Variants in FARS2 observed in about 807,000 individuals in gnomAD.
FARS2 encodes the protein phenylalanyl-tRNA synthetase 2, mitochondrial, also known as phenylalanine--tRNA ligase, mitochondrial.
In FARS2, 40 loss-of-function variants were observed where a neutral mutation model predicts 46.4. That is an observed-to-expected ratio of 0.86 (90% CI 0.67 to 1.12). The LOEUF (loss-of-function observed/expected upper bound fraction) is 1.12. Among genes scored for constraint, FARS2 ranks in the 50% most tolerant of loss-of-function variants. The pLI is 0.00. For synonymous variants in FARS2, 234 were observed against 214.9 expected (o/e 1.09, Z -0.78); for missense variants, 513 against 567.9 (o/e 0.90, Z 0.98).
At chr6:5,525,721 T>A (rs1430571039) in intron 4 of FARS2, among the ~76,000 whole-genome samples, 1 of 152,258 alleles carries the variant, frequency 6.6e-6, no homozygotes, top group Non-Finnish European at 1.5e-5. Context: ...GGGAATAGAT[T>A]GGATCAAGAT....
intron 6 of FARS2, among the ~76,000 whole-genome samples, chr6:5,745,672 G>A (rs1376965423): frequency 6.6e-6 from 1 of 152,146 alleles, no homozygotes; most frequent in Non-Finnish European, 1.5e-5. Context: ...CTAAGGAGCT[G>A]GGACTACAAG....
At chr6:5,502,548 A>G (rs2150384022) in intron 4 of FARS2, among the ~76,000 whole-genome samples, 1 of 152,376 alleles carries the variant, frequency 6.6e-6, no homozygotes, top group Admixed American at 6.5e-5. Context: ...TAAAAGTCAG[A>G]ACAGTATCAC....
chr6:5,484,619 C>T (rs1279695382), intron 4 of FARS2, among the ~76,000 whole-genome samples: 1 of 152,204 alleles, frequency 6.6e-6, no homozygotes, highest in Non-Finnish European at 1.5e-5. Flanking sequence ...TGAAGTCTCA[C>T]GTGTAACCTC....
chr6:5,297,390 G>T (rs1037459331), intron 1 of FARS2, among the ~76,000 whole-genome samples: 1 of 152,224 alleles, frequency 6.6e-6, no homozygotes, highest in Non-Finnish European at 1.5e-5. Context: ...GCTCACGCCT[G>T]TAATCCCAGC....
chr6:5,365,512 T>A (rs868446488), intron 1 of FARS2, among the ~76,000 whole-genome samples: 18,441 of 124,896 alleles, frequency 0.15, 959 homozygotes, highest in East Asian at 0.4. Flanking sequence ...TAAATAAAAT[T>A]TTTTTTTTTT....
intron 1 of FARS2, chr6:5,291,316 G>T (rs1045249790): frequency 6.6e-6 from 1 of 152,170 alleles, no homozygotes; most frequent in African/African-American, 2.4e-5. Flanking sequence ...GTAGGATGCT[G>T]ATTTTGAATA....
At chr6:5,631,586 G>A (rs1776296065) in intron 6 of FARS2, among the ~76,000 whole-genome samples, 1 of 152,234 alleles carries the variant, frequency 6.6e-6, no homozygotes. Context: ...CATCCTGTCT[G>A]TGTGGAGTCC....
chr6:5,584,119 A>ACACACACACACACACACACACC (rs1773486002), intron 5 of FARS2, among the ~76,000 whole-genome samples: 1 of 149,882 alleles, frequency 6.7e-6, no homozygotes, highest in Admixed American at 6.6e-5. Flanking sequence ...ACACACACAC[A>ACACACACACACACACACACACC]CACACACACA....
chr6:5,505,719 A>G (rs1255429114), intron 4 of FARS2, among the ~76,000 whole-genome samples: 1 of 152,126 alleles, frequency 6.6e-6, no homozygotes, highest in African/African-American at 2.4e-5. Flanking sequence ...TTGAACAATC[A>G]TGTTTCTCAA....
Position 5,652,555 on chromosome 6 carries a change from A to G in FARS2, c.1217+39235A>G, listed in dbSNP as rs542703405. Among the ~76,000 whole-genome samples the G allele has an allele frequency of 1.9e-3, 291 of 152,370 alleles. 2 individuals carry two copies. Among genetic ancestry groups the G allele is most frequent in the African/African-American group, 6.7e-3 (280 of 41,592 alleles). ...CAGAAATGAAGGCCCAGTGCGGCGC[A>G]GCCGCTGATGGCTCACCTCTCTCAG... On this transcript the variant is annotated intron_variant, in intron 6 of 6. Coordinates refer to ENST00000274680, the MANE Select transcript of FARS2 (RefSeq NM_006567.5).
intron 1 of FARS2, among the ~76,000 whole-genome samples, chr6:5,338,641 A>G (rs1019518911): frequency 7.7e-6 from 1 of 129,888 alleles, no homozygotes; most frequent in Non-Finnish European, 1.6e-5. Context: ...CTCAGGTATG[A>G]GTTCTTGGAT....
At chr6:5,297,662 TA>T (rs5873971) in intron 1 of FARS2, among the ~76,000 whole-genome samples, 82,925 of 151,184 alleles carry the variant, frequency 0.55, 22,854 homozygotes, top group East Asian at 0.72. Flanking sequence ...AGCAAAAAAA[TA>T]AAAAAAAACC....
intron 1 of FARS2, among the ~76,000 whole-genome samples, chr6:5,317,729 A>T (rs2127558974): frequency 6.6e-6 from 1 of 152,102 alleles, no homozygotes; most frequent in Middle Eastern, 3.4e-3. Context: ...TCGGTGAGCC[A>T]TGATTATACC....
chr6:5,654,403 T>C (rs1777510685), intron 6 of FARS2, among the ~76,000 whole-genome samples: 1 of 152,178 alleles, frequency 6.6e-6, no homozygotes, highest in Non-Finnish European at 1.5e-5. Flanking sequence ...AGTTGATGTT[T>C]AAAATATTTA....
chr6:5,502,403 A>T (rs1021817387), intron 4 of FARS2, among the ~76,000 whole-genome samples: 1 of 152,324 alleles, frequency 6.6e-6, no homozygotes, highest in Non-Finnish European at 1.5e-5. Flanking sequence ...GGTAATTTTT[A>T]AAATTATTTT....
intron 6 of FARS2, among the ~76,000 whole-genome samples, chr6:5,763,543 T>G (rs1762595984): frequency 6.6e-6 from 1 of 152,136 alleles, no homozygotes; most frequent in African/African-American, 2.4e-5. Context: ...CAGAGCACAT[T>G]TATTCCACTC....
chr6:5,301,800 C>CGT (rs2127534399), intron 1 of FARS2, among the ~76,000 whole-genome samples: 1 of 118,926 alleles, frequency 8.4e-6, no homozygotes, highest in East Asian at 2.6e-4. Context: ...CTCACACACA[C>CGT]ATACACACAC....
Position 5,764,629 on chromosome 6 carries a change from G to C in FARS2, c.1218-6662G>C, listed in dbSNP as rs961446945. 4.6e-5 allele frequency among the ~76,000 whole-genome samples: 7 copies of C among 152,146 alleles called. No individual in the cohort carries two copies. The highest frequency in any genetic ancestry group is 1.7e-4 in the African/African-American group (7 of 41,424). On this transcript the variant is annotated intron_variant, in intron 6 of 6. Transcript: ENST00000274680. This position sits in a 1 kb window ranked among gnomAD's most constrained non-coding sequence, Gnocchi z 4.1. The stretch of plus-strand genomic sequence containing the variant: ...ATAGATGGCAGCTGCAGTGACTGCT[G>C]GTCATATGTGATCTATTCTGGGAGG...
chr6:5,678,901 G>A (rs1024964056), intron 6 of FARS2, among the ~76,000 whole-genome samples: 6 of 152,190 alleles, frequency 3.9e-5, no homozygotes, highest in South Asian at 4.1e-4. Flanking sequence ...CCAGCTGACC[G>A]AATGCGGAAA....
Sources: gnomAD v4.1 joint callset for allele counts (sites outside exome capture counted in the v4.1 genomes callset) on GRCh38, gnomAD v4.1.1 for gene constraint, Gnocchi (gnomAD v3.1) non-coding constraint, MANE v1.5 for transcripts, NCBI Gene and HGNC (gene_info 2026-07-23, HGNC 2026-07-21) for gene names.